DHX37: variants seen among roughly 807,000 people sequenced by gnomAD.
The protein encoded by DHX37 is DEAH-box helicase 37.
DHX37 carries 52 observed loss-of-function variants against 134.3 expected under a neutral mutation model. The observed-to-expected ratio is 0.39, with a 90% confidence interval of 0.31 to 0.49. The LOEUF is 0.49. Among genes scored for constraint, DHX37 ranks in the 20% least tolerant of loss-of-function variants. The pLI is 0.93. For synonymous variants in DHX37, 634 were observed against 670.7 expected, an observed-to-expected ratio of 0.95 and a Z score of 0.85; for missense variants, 1,344 against 1,580.8, an observed-to-expected ratio of 0.85 and a Z score of 2.54.
rs140983840 is a variant in DHX37, at chr12:124,957,991, G to A, written c.2158-856C>T. ...AACATCATACTCAGGGAAAGACGCC[G>A]GGCACAAAGGCCACGCATTGTAGGA... On this transcript the variant is annotated intron_variant, in intron 16 of 26. Transcript: ENST00000308736. Among the ~76,000 whole-genome samples the A allele has an allele frequency of 3.8e-4, 58 of 152,292 alleles. 1 individual carries two copies. The East Asian group carries it at 0.01, about 26-fold the overall frequency.
In DHX37 at chr12:124,954,152, T is replaced by C. The variant is rs750821411; in HGVS notation, c.2513A>G (p.Gln838Arg). Residue 838 changes from glutamine to arginine, a missense_variant, in exon 19 of 27, where the codon CAG (glutamine) becomes CGG (arginine). By Grantham distance (43) the Gln-to-Arg change is conservative (BLOSUM62 1). Transcript: ENST00000308736. ...RLKSKRARVA[Q>R]MKRTWAGQGA... Reference sequence around the variant, plus strand: ...CTGCCCTGCCCAGGTCCTCTTCATCTGGGCCACCCGGGCCCGCTTGCTCTT... The same window carrying C: ...CTGCCCTGCCCAGGTCCTCTTCATCCGGGCCACCCGGGCCCGCTTGCTCTT... 6.2e-7 allele frequency: 1 copy of C among 1,612,488 alleles called. No homozygotes were observed. The highest frequency in any genetic ancestry group is 1.7e-5 in the Admixed American group (1 of 59,642).
At position 124,950,686 on chromosome 12, in the gene DHX37, G is replaced by A; in HGVS notation, c.2983+4C>T. 1.2e-6 allele frequency: 2 copies of A among 1,612,298 alleles called. No individual in the cohort carries two copies. The highest frequency in any genetic ancestry group is 1.1e-5 in the South Asian group (1 of 90,862). On this transcript the variant is annotated splice_donor_region_variant and intron_variant, in intron 22 of 26. Coordinates refer to ENST00000308736, the MANE Select transcript of DHX37 (RefSeq NM_032656.4). ...GACAAGGGGCTGTCCGCAGGCCTCG[G>A]CACCTTTCATGTACATCTTAGTGGT... is the stretch of plus-strand genomic sequence containing the variant.
Position 124,947,546 on chromosome 12 carries a change from C to T in DHX37, c.*256G>A, listed in dbSNP as rs987532205. 1.1e-5 allele frequency: 5 copies of T among 476,132 alleles called. No homozygotes were observed. The highest frequency in any genetic ancestry group is 3.7e-5 in the Admixed American group (1 of 27,008). The allele number at this position is 476,132 out of a possible 1,614,324, so 29.5% of individuals were successfully genotyped here. A position where few individuals can be genotyped will look rare whatever the true frequency, so the allele number is the denominator to read the frequency against. ...CCAAAGAGCACACTGAACAGAACAG[C>T]GTCCAGCACGTGAGATGAAATCATC... On this transcript the variant is annotated 3_prime_UTR_variant, in exon 27 of 27. Transcript: ENST00000308736.
intron 2 of DHX37, among the ~76,000 whole-genome samples, chr12:124,985,620 G>A (rs1192392006): frequency 2.0e-5 from 3 of 148,254 alleles, no homozygotes; most frequent in South Asian, 2.2e-4. Flanking sequence ...GGTGGCACGC[G>A]CCTGTAATCC....
At chr12:124,963,365 G>A (rs1202659226) in intron 15 of DHX37, among the ~76,000 whole-genome samples, 1 of 152,146 alleles carries the variant, frequency 6.6e-6, no homozygotes, top group East Asian at 1.9e-4. Context: ...CGGGGAAGAA[G>A]GGGGGTGACT....
intron 20 of DHX37, chr12:124,953,421 C>T (rs4765187): frequency 0.57 from 96,810 of 168,770 alleles, 28,772 homozygotes; most frequent in East Asian, 0.83. Context: ...CTCTACGCAT[C>T]GTCCTCTTGC....
intron 15 of DHX37, 64 bp downstream of exon 15, chr12:124,964,330 T>G (rs1398938564): frequency 6.3e-7 from 1 of 1,599,520 alleles, no homozygotes; most frequent in East Asian, 2.2e-5. Flanking sequence ...CATCCTTCCC[T>G]TGTTCCTCAG....
Position 124,980,421 on chromosome 12 carries a change from C to G in DHX37, c.738+69G>C. 1 of 1,531,462 alleles carries G rather than the reference C, an allele frequency of 6.5e-7. No individual in the cohort carries two copies. The highest frequency in any genetic ancestry group is 1.2e-5 in the South Asian group (1 of 83,958). 94.9% of individuals were successfully genotyped at this position (1,531,462 alleles called of 1,614,324 possible). A position where few individuals can be genotyped will look rare whatever the true frequency, so the allele number is the denominator to read the frequency against. On this transcript the variant is annotated intron_variant, in intron 4 of 26. Coordinates refer to ENST00000308736, the MANE Select transcript of DHX37 (RefSeq NM_032656.4). This position sits in a 1 kb window ranked among gnomAD's most constrained non-coding sequence, Gnocchi z 5.3. ...GAAGGGATGCCCTTGCCCCACTTCA[C>G]CAGGACGCCCTCTGTGCGCCCCTTG...
chr12:124,985,162 A>C (rs1265966099), intron 2 of DHX37, among the ~76,000 whole-genome samples: 1 of 152,148 alleles, frequency 6.6e-6, no homozygotes, highest in African/African-American at 2.4e-5. Flanking sequence ...GGGAAGGAAC[A>C]AATTTCTATT....
At chr12:124,961,224 GCACGCA>G (rs1294419467) in intron 15 of DHX37, among the ~76,000 whole-genome samples, 8,790 of 117,364 alleles carry the variant, frequency 0.075, 956 homozygotes, top group African/African-American at 0.28. Context: ...GCACGCACAC[GCACGCA>G]CACACACATA....
At chr12:124,954,559 A>T (rs1276950920) in intron 18 of DHX37, among the ~76,000 whole-genome samples, 3 of 151,966 alleles carry the variant, frequency 2.0e-5, no homozygotes, top group Admixed American at 2.0e-4. Flanking sequence ...AGGCCCGGCT[A>T]AGTTTTTGCA....
At chr12:124,959,926 C>T (rs1344135755) in intron 16 of DHX37, among the ~76,000 whole-genome samples, 6 of 152,206 alleles carry the variant, frequency 3.9e-5, no homozygotes, top group Non-Finnish European at 5.9e-5. Flanking sequence ...CACTGCCTGG[C>T]TTAGCCTGCC....
At position 124,974,870 on chromosome 12, in the gene DHX37, G is replaced by A. The variant is rs139574558; in HGVS notation, c.980+549C>T. Reference sequence around the variant, plus strand: ...TGGCTTACGGCAACCTCTGCCTCCCGGGTTCAAGTGATTCTCCTGCCTTAA... The same window carrying A: ...TGGCTTACGGCAACCTCTGCCTCCCAGGTTCAAGTGATTCTCCTGCCTTAA... On this transcript the variant is annotated intron_variant, in intron 6 of 26. Coordinates refer to ENST00000308736, the MANE Select transcript of DHX37 (RefSeq NM_032656.4). Among the ~76,000 whole-genome samples the A allele has an allele frequency of 8.9e-3, 1,350 of 151,688 alleles. 10 individuals are homozygous for A. Among genetic ancestry groups the A allele is most frequent in the Non-Finnish European group, 0.015 (1,018 of 67,958 alleles).
chr12:124,978,564 C>T (rs61942957), intron 4 of DHX37, among the ~76,000 whole-genome samples: 44,843 of 150,680 alleles, frequency 0.3, 6,921 homozygotes, highest in Non-Finnish European at 0.32. Context: ...GTGATCCACC[C>T]GCCTCGGCCT....
At position 124,947,666 on chromosome 12, in the gene DHX37, G is replaced by C; in HGVS notation, c.*136C>G. The C allele has an allele frequency of 1.7e-6, 2 of 1,194,814 alleles. No homozygotes were observed. The highest frequency in any genetic ancestry group is 1.7e-5 in the South Asian group (1 of 58,768). The allele number at this position is 1,194,814 out of a possible 1,614,324, so 74.0% of individuals were successfully genotyped here. ...TACGGGATCGAGCTCTCATGGATGA[G>C]GGTTCCCAGGGCTTGACCCACTTCC... is the stretch of plus-strand genomic sequence containing the variant. On this transcript the variant is annotated 3_prime_UTR_variant, in exon 27 of 27. Coordinates refer to ENST00000308736, the MANE Select transcript of DHX37 (RefSeq NM_032656.4).
At chr12:124,968,678 T>C (rs754615493) in intron 9 of DHX37, 30 bp from the exon 10 acceptor site, 2 of 1,608,060 alleles carry the variant, frequency 1.2e-6, no homozygotes, top group Non-Finnish European at 1.7e-6. Flanking sequence ...GCATGGGGAG[T>C]GGGGGGGACA....
Position 124,975,645 on chromosome 12 carries a change from T to C in DHX37, c.888-134A>G, listed in dbSNP as rs1954622737. Reference sequence around the variant, plus strand: ...AGGGGCGGTGGGAAACAGTGCCAGGTTGCACTACTTTTAACAGCAAACGGA... The same window carrying C: ...AGGGGCGGTGGGAAACAGTGCCAGGCTGCACTACTTTTAACAGCAAACGGA... On this transcript the variant is annotated intron_variant, in intron 5 of 26. Coordinates refer to ENST00000308736, the MANE Select transcript of DHX37 (RefSeq NM_032656.4). 5.8e-6 allele frequency: 5 copies of C among 860,410 alleles called. No individual in the cohort carries two copies. The East Asian group carries it at 8.0e-5, about 14-fold the overall frequency. 53.3% of individuals were successfully genotyped at this position (860,410 alleles called of 1,614,324 possible).
At chr12:124,970,145 C>T (rs1048726991) in intron 8 of DHX37, among the ~76,000 whole-genome samples, 5 of 152,008 alleles carry the variant, frequency 3.3e-5, no homozygotes, top group East Asian at 3.9e-4. Flanking sequence ...GCTAATTTTT[C>T]GTTTTTTTAG....
In DHX37 at chr12:124,964,585, C is replaced by A. The variant is rs1364032825; in HGVS notation, c.1854G>T (p.Val618=). Residue 618 remains valine (V), a synonymous_variant, in exon 15 of 27, where the codon GTG becomes GTT. Coordinates refer to ENST00000308736, the MANE Select transcript of DHX37 (RefSeq NM_032656.4). ...PPPEGTRLCV[V]ATNVAETSLT... Reference sequence around the variant, plus strand: ...GCGACGTCTCGGCCACATTGGTGGCCACAACACACAACCGAGTCCCCTCCG... The same window carrying A: ...GCGACGTCTCGGCCACATTGGTGGCAACAACACACAACCGAGTCCCCTCCG... 1.2e-6 allele frequency: 2 copies of A among 1,613,378 alleles called. No homozygotes were observed. Among genetic ancestry groups the A allele is most frequent in the South Asian group, 1.1e-5 (1 of 91,064 alleles).
Sources: gnomAD v4.1 joint callset for allele counts (sites outside exome capture counted in the v4.1 genomes callset) on GRCh38, gnomAD v4.1.1 for gene constraint, Gnocchi (gnomAD v3.1) non-coding constraint, MANE v1.5 for transcripts, NCBI Gene and HGNC (gene_info 2026-07-23, HGNC 2026-07-21) for gene names.